NR2C1: variants seen among roughly 807,000 people sequenced by gnomAD.
NR2C1 encodes nuclear receptor subfamily 2 group C member 1.
Under a neutral mutation model 74.8 loss-of-function variants are expected in NR2C1, and 33 were observed. That is an observed-to-expected ratio of 0.44 (90% CI 0.33 to 0.59). NR2C1 has a LOEUF of 0.59. NR2C1 is among the 20% of genes least tolerant of loss of function. The pLI is 0.02. For synonymous variants in NR2C1, 225 were observed against 240.6 expected (o/e 0.94, Z 0.60); for missense variants, 568 against 715.6 (o/e 0.79, Z 2.35).
chr12:95,057,208 G>C (rs184031483), intron 7 of NR2C1, among the ~76,000 whole-genome samples: 1 of 147,194 alleles, frequency 6.8e-6, no homozygotes, highest in Non-Finnish European at 1.5e-5. Flanking sequence ...GGGTTCAAGC[G>C]ATTCTCCTGC....
In NR2C1 at chr12:95,063,693, T is replaced by C. The variant is rs530027921; in HGVS notation, c.55-955A>G. Among the ~76,000 whole-genome samples the C allele has an allele frequency of 3.5e-5, 5 of 144,844 alleles. No individual in the cohort carries two copies. In the East Asian group the frequency reaches 8.2e-4, roughly 24 times the overall value. The stretch of plus-strand genomic sequence containing the variant: ...CTGTCTCAAAAAAAAAAAAGAAGTA[T>C]AAAAAAAGCATTCTAAATTTAGTGT... On this transcript the variant is annotated intron_variant, in intron 2 of 13. Transcript: ENST00000333003.
intron 11 of NR2C1, 109 bp from the exon 12 acceptor site, chr12:95,028,633 A>G (rs1418158584): frequency 1.7e-5 from 14 of 806,614 alleles, no homozygotes; most frequent in South Asian, 1.4e-4. Flanking sequence ...TAATTCTTAA[A>G]TTTTTTTTGA....
At position 95,021,655 on chromosome 12, in the gene NR2C1, A is replaced by T. The variant is rs1369957898; in HGVS notation, c.*574T>A. On this transcript the variant is annotated 3_prime_UTR_variant, in exon 14 of 14. Transcript: ENST00000333003. ...CTGTCTCACTGCCAGCAATGAGAGTAGTATATGCTAAGGGACACCATGATA... is the reference window on the plus strand; with the variant it reads ...CTGTCTCACTGCCAGCAATGAGAGTTGTATATGCTAAGGGACACCATGATA... The T allele has an allele frequency of 6.6e-6, 1 of 152,274 alleles. No individual in the cohort carries two copies. The highest frequency in any genetic ancestry group is 1.5e-5 in the Non-Finnish European group (1 of 68,086). 9.4% of individuals were successfully genotyped at this position (152,274 alleles called of 1,614,324 possible).
At chr12:95,048,839 G>T (rs1336896549) in intron 9 of NR2C1, among the ~76,000 whole-genome samples, 1 of 151,986 alleles carries the variant, frequency 6.6e-6, no homozygotes, top group Non-Finnish European at 1.5e-5. Flanking sequence ...GGTCAGGCTG[G>T]TCTCGAACTC....
chr12:95,037,256 T>C (rs1485642065), intron 10 of NR2C1, among the ~76,000 whole-genome samples: 2 of 152,222 alleles, frequency 1.3e-5, no homozygotes, highest in Non-Finnish European at 2.9e-5. Context: ...TATAGTCACT[T>C]AACCTAAATT....
At chr12:95,042,048 AG>A (rs1871608716) in intron 9 of NR2C1, among the ~76,000 whole-genome samples, 1 of 152,198 alleles carries the variant, frequency 6.6e-6, no homozygotes, top group Non-Finnish European at 1.5e-5. Flanking sequence ...TGTATTAAAT[AG>A]ATGACCCAAT....
At chr12:95,058,070 T>A in intron 5 of NR2C1, 192 bp from the exon 6 acceptor site, 1 of 663,184 alleles carries the variant, frequency 1.5e-6, no homozygotes, top group East Asian at 2.8e-5. Context: ...ACAAACCAAT[T>A]TGCATCTCTC....
chr12:95,072,467 A>AAAG (rs1458683109), intron 1 of NR2C1, among the ~76,000 whole-genome samples: 1 of 150,590 alleles, frequency 6.6e-6, no homozygotes, highest in Non-Finnish European at 1.5e-5. Context: ...AAAAAAAAAA[A>AAAG]AAAAAAAGAA....
chr12:95,022,572 CCTGG>C (rs2136084619), intron 13 of NR2C1, among the ~76,000 whole-genome samples, 169 bp from the exon 14 acceptor site: 1 of 152,340 alleles, frequency 6.6e-6, no homozygotes, highest in African/African-American at 2.4e-5. Context: ...ATGGCAATTA[CCTGG>C]CTATTAATGC....
chr12:95,057,297 G>T (rs1034941742), intron 7 of NR2C1, among the ~76,000 whole-genome samples: 1 of 151,524 alleles, frequency 6.6e-6, no homozygotes, highest in African/African-American at 2.4e-5. Flanking sequence ...TGGAGACGGG[G>T]TTTCTCCATG....
intron 7 of NR2C1, among the ~76,000 whole-genome samples, chr12:95,056,636 A>G (rs1873918877): frequency 6.6e-6 from 1 of 152,206 alleles, no homozygotes; most frequent in Non-Finnish European, 1.5e-5. Context: ...TGGCACTAAC[A>G]AATCTGTAAG....
chr12:95,040,236 T>G (rs1565846045), intron 10 of NR2C1, among the ~76,000 whole-genome samples: 8 of 152,190 alleles, frequency 5.3e-5, no homozygotes. Context: ...TCAATTCTAC[T>G]GATCATATTC....
At chr12:95,061,372 GT>G (rs1290454765) in intron 3 of NR2C1, among the ~76,000 whole-genome samples, 2 of 152,202 alleles carry the variant, frequency 1.3e-5, no homozygotes, top group East Asian at 3.8e-4. Flanking sequence ...TAGGGGAACT[GT>G]GTGTATTTAC....
At chr12:95,044,567 T>C (rs1461258959) in intron 9 of NR2C1, among the ~76,000 whole-genome samples, 2 of 151,928 alleles carry the variant, frequency 1.3e-5, no homozygotes, top group Non-Finnish European at 2.9e-5. Context: ...CGAGCCACCC[T>C]GCCCAGCCGA....
Position 95,028,531 on chromosome 12 carries a change from T to G in NR2C1, c.1394-7A>C. On this transcript the variant is annotated splice_polypyrimidine_tract_variant and splice_region_variant and intron_variant, in intron 11 of 13. Coordinates refer to ENST00000333003, the MANE Select transcript of NR2C1 (RefSeq NM_003297.4). ...CTTTCTGTTGACATTTTATCTTTAA[T>G]TAAAAATAAACAAATGCTTCTAGTG... The G allele has an allele frequency of 6.8e-7, 1 of 1,480,482 alleles. No individual in the cohort carries two copies. The highest frequency in any genetic ancestry group is 9.4e-7 in the Non-Finnish European group (1 of 1,068,122). 91.7% of individuals were successfully genotyped at this position (1,480,482 alleles called of 1,614,324 possible). A position where few individuals can be genotyped will look rare whatever the true frequency, so the allele number is the denominator to read the frequency against.
At chr12:95,044,483 G>C (rs956996490) in intron 9 of NR2C1, among the ~76,000 whole-genome samples, 2 of 150,224 alleles carry the variant, frequency 1.3e-5, no homozygotes, top group African/African-American at 4.9e-5. Flanking sequence ...TCACCACGTT[G>C]GTCAGTCTGG....
intron 9 of NR2C1, among the ~76,000 whole-genome samples, chr12:95,047,014 A>C (rs149988410): frequency 6.6e-5 from 10 of 152,288 alleles, no homozygotes; most frequent in East Asian, 5.8e-4. Context: ...TAATTTGCCA[A>C]ATTCTTCTGT....
At chr12:95,042,595 A>C (rs2136131175) in intron 9 of NR2C1, among the ~76,000 whole-genome samples, 1 of 152,306 alleles carries the variant, frequency 6.6e-6, no homozygotes, top group African/African-American at 2.4e-5. Context: ...GTTTGAAACA[A>C]AGAAAAGTTA....
chr12:95,048,043 A>G (rs895430652), intron 9 of NR2C1, among the ~76,000 whole-genome samples: 2 of 152,222 alleles, frequency 1.3e-5, no homozygotes, highest in African/African-American at 4.8e-5. Context: ...GTTAAAAACT[A>G]AAAGTTAAAA....
Sources: gnomAD v4.1 joint callset for allele counts (sites outside exome capture counted in the v4.1 genomes callset) on GRCh38, gnomAD v4.1.1 for gene constraint, MANE v1.5 for transcripts, NCBI Gene and HGNC (gene_info 2026-07-23, HGNC 2026-07-21) for gene names.